Variants in MEGF10 observed in about 807,000 individuals in gnomAD.
MEGF10 encodes multiple EGF like domains 10.
MEGF10 carries 86 observed loss-of-function variants against 147.5 expected under a neutral mutation model. The observed-to-expected ratio is 0.58, with a 90% CI of 0.49 to 0.70. MEGF10 has a LOEUF of 0.70. MEGF10 is among the 30% of genes least tolerant of loss of function. The probability of loss-of-function intolerance (pLI) is 0.00; values close to 1 mark genes in which losing one functional copy is unlikely to be tolerated. For synonymous variants in MEGF10, 478 were observed against 525.5 expected, an observed-to-expected ratio of 0.91 and a Z score of 1.24; for missense variants, 1,329 against 1,487.3, an observed-to-expected ratio of 0.89 and a Z score of 1.75.
At position 127,334,367 on chromosome 5, in the gene MEGF10, G is replaced by A. The variant is rs768706345; in HGVS notation, c.116+2943G>A. 6.6e-4 allele frequency among the ~76,000 whole-genome samples: 101 copies of A among 152,028 alleles called. 2 individuals are homozygous for A. Among genetic ancestry groups the A allele is most frequent in the Non-Finnish European group, 3.5e-4 (24 of 67,996 alleles). On this transcript the variant is annotated intron_variant, in intron 2 of 24. Coordinates refer to ENST00000503335, the MANE Select transcript of MEGF10 (RefSeq NM_001256545.2). The stretch of plus-strand genomic sequence containing the variant: ...ACTTGTTAGAAATACAGACTCTCAG[G>A]TCCCACCCCAGACCTACTAAATCAA...
At chr5:127,244,942 A>G in the MEGF10 span, among the ~76,000 whole-genome samples, 4 of 152,200 alleles carry the variant, frequency 2.6e-5, no homozygotes, top group Admixed American at 6.5e-5. Context: ...TGAGCTGCTC[A>G]AGGAAATAGG....
the MEGF10 span, among the ~76,000 whole-genome samples, chr5:127,241,841 A>G: frequency 6.6e-6 from 1 of 152,132 alleles, no homozygotes; most frequent in Non-Finnish European, 1.5e-5. Flanking sequence ...GCAAGACAGC[A>G]CAGCATCTCA....
At chr5:127,322,168 G>A (rs59539946) in intron 1 of MEGF10, among the ~76,000 whole-genome samples, 3,620 of 151,588 alleles carry the variant, frequency 0.024, 124 homozygotes, top group African/African-American at 0.08. Context: ...CCATTTTCTG[G>A]GTCATTTTTC....
At chr5:127,423,653 C>G (rs545743410) in intron 13 of MEGF10, among the ~76,000 whole-genome samples, 5 of 152,218 alleles carry the variant, frequency 3.3e-5, no homozygotes, top group African/African-American at 1.2e-4. Context: ...GAACATCTTT[C>G]TGTGCATTTA....
At chr5:127,449,587 G>A (rs528326216) in intron 22 of MEGF10, among the ~76,000 whole-genome samples, 1 of 152,166 alleles carries the variant, frequency 6.6e-6, no homozygotes, top group Non-Finnish European at 1.5e-5. Context: ...TCATAACAAG[G>A]TTATGTTACT....
intron 1 of MEGF10, among the ~76,000 whole-genome samples, chr5:127,308,869 AAAT>A (rs1760132710): frequency 1.3e-5 from 2 of 152,204 alleles, no homozygotes; most frequent in African/African-American, 2.4e-5. Context: ...ATAATTAAAA[AAAT>A]AATAAAAATA....
chr5:127,331,216 TG>T, intron 1 of MEGF10, 74 bp from the exon 2 acceptor site: 1 of 736,640 alleles, frequency 1.4e-6, no homozygotes, highest in Non-Finnish European at 2.4e-6. Flanking sequence ...TGGTACCTGG[TG>T]GTTGCTGTAC....
the MEGF10 span, among the ~76,000 whole-genome samples, chr5:127,250,845 A>G: frequency 2.6e-5 from 4 of 152,018 alleles, no homozygotes; most frequent in East Asian, 1.9e-4. Context: ...AAAAAAATCA[A>G]TGCTTTCCTA....
At chr5:127,256,755 T>C in the MEGF10 span, among the ~76,000 whole-genome samples, 4 of 152,298 alleles carry the variant, frequency 2.6e-5, no homozygotes, top group East Asian at 7.7e-4. Flanking sequence ...CAACATTTTA[T>C]AGAAATATTA....
At chr5:127,397,754 G>T (rs570024352) in intron 6 of MEGF10, among the ~76,000 whole-genome samples, 1 of 152,138 alleles carries the variant, frequency 6.6e-6, no homozygotes, top group South Asian at 2.1e-4. Context: ...ATTGAACTGG[G>T]CTGTGGGAAA....
intron 13 of MEGF10, 51 bp downstream of exon 13, chr5:127,422,823 C>CT (rs1229056370): frequency 7.5e-7 from 1 of 1,329,456 alleles, no homozygotes; most frequent in Admixed American, 1.8e-5. Flanking sequence ...AATTTAACAC[C>CT]TAGTGCTGTT....
intron 14 of MEGF10, 75 bp from the exon 15 acceptor site, chr5:127,434,612 T>A (rs1765494691): frequency 1.4e-6 from 2 of 1,470,794 alleles, no homozygotes; most frequent in Admixed American, 2.4e-5. Context: ...TCTAAAACTT[T>A]AACTAGATCC....
At chr5:127,307,233 C>A (rs1760055576) in intron 1 of MEGF10, among the ~76,000 whole-genome samples, 1 of 152,104 alleles carries the variant, frequency 6.6e-6, no homozygotes, top group South Asian at 2.1e-4. Flanking sequence ...CCTGAAAAAA[C>A]TCTTCTGTGC....
Position 127,331,280 on chromosome 5 carries a change from C to T in MEGF10, c.-18-11C>T, listed in dbSNP as rs138523651. ...AATGCATTTCTAATTGGGATTTTTTCTTTCTTGTAGGTTGTTCTTCAGAAA... is the reference window on the plus strand; with the variant it reads ...AATGCATTTCTAATTGGGATTTTTTTTTTCTTGTAGGTTGTTCTTCAGAAA... On this transcript the variant is annotated splice_polypyrimidine_tract_variant and intron_variant, in intron 1 of 24. Transcript: ENST00000503335. 640 of 1,408,124 alleles carry T rather than the reference C, an allele frequency of 4.5e-4. 1 individual carries two copies. The African/African-American group carries it at 8.1e-3, about 18-fold the overall frequency. The allele number at this position is 1,408,124 out of a possible 1,614,324, so 87.2% of individuals were successfully genotyped here.
chr5:127,457,383 C>G lies in MEGF10; in HGVS notation c.*65C>G. 6.6e-7 allele frequency: 1 copy of G among 1,511,028 alleles called. No individual in the cohort carries two copies. The highest frequency in any genetic ancestry group is 8.8e-7 in the Non-Finnish European group (1 of 1,131,608). The allele number at this position is 1,511,028 out of a possible 1,614,324, so 93.6% of individuals were successfully genotyped here. On this transcript the variant is annotated 3_prime_UTR_variant, in exon 25 of 25. Coordinates refer to ENST00000503335, the MANE Select transcript of MEGF10 (RefSeq NM_001256545.2). ...GAACTGCTGTTTGGTTCTTCTCCAT[C>G]CTCAATTTTGCCACTTTCATGTGAA...
intron 7 of MEGF10, among the ~76,000 whole-genome samples, chr5:127,399,344 A>G (rs1764042602): frequency 6.6e-6 from 1 of 152,222 alleles, no homozygotes; most frequent in Admixed American, 6.5e-5. Context: ...TTTGACGAGA[A>G]TACCCTTTCT....
chr5:127,299,756 T>A (rs1759686891), intron 1 of MEGF10, among the ~76,000 whole-genome samples: 1 of 151,994 alleles, frequency 6.6e-6, no homozygotes, highest in African/African-American at 2.4e-5. Context: ...TTTTTTTTTT[T>A]TTAAGTTAGG....
intron 5 of MEGF10, among the ~76,000 whole-genome samples, chr5:127,374,590 A>G (rs2126871464): frequency 6.6e-6 from 1 of 152,338 alleles, no homozygotes; most frequent in South Asian, 2.1e-4. Flanking sequence ...TCTTCCTAAA[A>G]TGAGGAGATG....
chr5:127,323,590 G>T (rs369103595), intron 1 of MEGF10, among the ~76,000 whole-genome samples: 7 of 152,182 alleles, frequency 4.6e-5, no homozygotes, highest in African/African-American at 1.7e-4. Context: ...AGGTATTTTG[G>T]AAGTAAAACT....
Sources: gnomAD v4.1 joint callset for allele counts (sites outside exome capture counted in the v4.1 genomes callset) on GRCh38, gnomAD v4.1.1 for gene constraint, MANE v1.5 for transcripts, NCBI Gene and HGNC (gene_info 2026-07-23, HGNC 2026-07-21) for gene names.